The following USP20 variants were observed in gnomAD, a reference collection of about 807,000 sequenced individuals.
The protein encoded by USP20 is ubiquitin carboxyl-terminal hydrolase 20.
In USP20, 80 loss-of-function variants were observed where a neutral mutation model predicts 124.2. The observed-to-expected ratio is 0.64, with a 90% CI of 0.54 to 0.78. The LOEUF is 0.78. Among genes scored for constraint, USP20 ranks in the 30% least tolerant of loss-of-function variants. USP20 has a pLI of 0.00. For synonymous variants in USP20, 481 were observed against 512.3 expected, an observed-to-expected ratio of 0.94 and a Z score of 0.83; for missense variants, 1,043 against 1,244.4, an observed-to-expected ratio of 0.84 and a Z score of 2.44.
At chr9:129,842,597 T>G (rs1238488932) in intron 1 of USP20, among the ~76,000 whole-genome samples, 1 of 145,310 alleles carries the variant, frequency 6.9e-6, no homozygotes, top group Non-Finnish European at 1.5e-5. Flanking sequence ...GTGTGGAAGT[T>G]TTTTTTTTTT....
rs2032083894 is a variant in USP20, at chr9:129,839,700, A to C, written c.-129+4201A>C. Among the ~76,000 whole-genome samples, 2 of 151,840 alleles carry C rather than the reference A, an allele frequency of 1.3e-5. No individual in the cohort carries two copies. Among genetic ancestry groups the C allele is most frequent in the African/African-American group, 4.8e-5 (2 of 41,316 alleles). The stretch of plus-strand genomic sequence containing the variant: ...CTGTGGGCATCGTTGTGTGGGTGGG[A>C]GGCCCAGAAGTGTCGCCCTCCCCAT... On this transcript the variant is annotated intron_variant, in intron 1 of 25. Coordinates refer to ENST00000372429, the MANE Select transcript of USP20 (RefSeq NM_001110303.4). This position sits in a 1 kb window ranked among gnomAD's most constrained non-coding sequence, Gnocchi z 4.5.
chr9:129,853,790 G>A (rs914737459), intron 3 of USP20, among the ~76,000 whole-genome samples: 40 of 152,296 alleles, frequency 2.6e-4, no homozygotes, highest in Non-Finnish European at 4.9e-4. Context: ...AGCAGGGGGG[G>A]GATGAAGCAG....
At chr9:129,877,496 C>T (rs186062755) in intron 22 of USP20, among the ~76,000 whole-genome samples, 5,202 of 152,214 alleles carry the variant, frequency 0.034, 291 homozygotes, top group African/African-American at 0.12. Flanking sequence ...GCACCGCAGC[C>T]TGGGCAATAG....
intron 1 of USP20, among the ~76,000 whole-genome samples, chr9:129,842,149 G>A (rs2032251329): frequency 6.6e-6 from 1 of 152,086 alleles, no homozygotes; most frequent in Non-Finnish European, 1.5e-5. Flanking sequence ...GTAACCCTAG[G>A]TGCTGTCATT....
intron 17 of USP20, 71 bp from the exon 18 acceptor site, chr9:129,874,505 G>A: frequency 1.3e-6 from 2 of 1,580,806 alleles, no homozygotes; most frequent in South Asian, 1.2e-5. Flanking sequence ...GCTGTCCTGG[G>A]CCCGTGGGCA....
intron 22 of USP20, 53 bp downstream of exon 22, chr9:129,876,291 A>G (rs2034406492): frequency 6.7e-6 from 10 of 1,494,020 alleles, no homozygotes; most frequent in Non-Finnish European, 9.2e-6. Context: ...TGCCTGGGGC[A>G]GCTGGGGACT....
chr9:129,837,929 G>C (rs2031959675), intron 1 of USP20, among the ~76,000 whole-genome samples: 1 of 152,084 alleles, frequency 6.6e-6, no homozygotes, highest in South Asian at 2.1e-4. Flanking sequence ...ATTTAACAGT[G>C]ATGAAAGAGC....
chr9:129,871,266 G>A (rs572687795), intron 15 of USP20, among the ~76,000 whole-genome samples: 1 of 152,182 alleles, frequency 6.6e-6, no homozygotes, highest in African/African-American at 2.4e-5. Flanking sequence ...GAATTATACA[G>A]TACTTGCCAT....
At chr9:129,866,475 C>T (rs767879923) in intron 10 of USP20, among the ~76,000 whole-genome samples, 5 of 152,220 alleles carry the variant, frequency 3.3e-5, no homozygotes, top group Admixed American at 6.5e-5. Context: ...TACCCCTCAC[C>T]CAGGTCACAC....
chr9:129,857,978 G>A (rs2033301775), intron 4 of USP20, 72 bp from the exon 5 acceptor site: 1 of 1,416,870 alleles, frequency 7.1e-7, no homozygotes, highest in Non-Finnish European at 9.9e-7. Context: ...ACTTTGGGAT[G>A]GAACCAGAGA....
At chr9:129,846,228 CATAT>C (rs1159489842) in intron 1 of USP20, among the ~76,000 whole-genome samples, 1,184 of 59,338 alleles carry the variant, frequency 0.02, 62 homozygotes, top group Middle Eastern at 0.033. Context: ...TGCGCCCAGC[CATAT>C]ATATATATAT....
chr9:129,858,197 A>C, intron 5 of USP20, 85 bp downstream of exon 5: 2 of 1,426,924 alleles, frequency 1.4e-6, no homozygotes, highest in East Asian at 4.6e-5. Flanking sequence ...CTCTGGGCCT[A>C]AATGGCTGGG....
At position 129,875,413 on chromosome 9, in the gene USP20, A is replaced by C. The variant is rs2034344462; in HGVS notation, c.2152A>C (p.Asn718His). The change falls in exon 20 of 26, where the codon AAC becomes CAC. Residue 718 changes from asparagine to histidine, a missense_variant. Physicochemically the swap from Asn to His is moderately conservative, Grantham distance 68. Transcript: ENST00000372429. ...LRFYVSREWL[N>H]KFNTFAEPGP... is the part of the protein sequence containing the mutation. Reference sequence around the variant, plus strand: ...GTTCTACGTGTCCCGCGAGTGGCTCAACAAGTTCAACACCTTCGCGGAGCC... The same window carrying C: ...GTTCTACGTGTCCCGCGAGTGGCTCCACAAGTTCAACACCTTCGCGGAGCC... 1 of 1,613,744 alleles carries C rather than the reference A, an allele frequency of 6.2e-7. No homozygotes were observed.
intron 3 of USP20, among the ~76,000 whole-genome samples, chr9:129,853,394 C>T (rs976268625): frequency 2.6e-5 from 4 of 152,212 alleles, no homozygotes; most frequent in African/African-American, 4.8e-5. Context: ...CATCATGTGG[C>T]CACAGTGACT....
rs201050081 is a variant in USP20 at position 129,869,883 on chromosome 9, G to C, written c.1565+39G>C. The C allele has an allele frequency of 1.8e-4, 288 of 1,605,402 alleles. 1 individual carries two copies. Among genetic ancestry groups the C allele is most frequent in the Non-Finnish European group, 2.3e-4 (270 of 1,175,280 alleles). On this transcript the variant is annotated intron_variant, in intron 14 of 25. Transcript: ENST00000372429. ...GCCACTACTGGGCGACATGGGCTGG[G>C]CCTGTCCTGGTTTTCCTGGGCGGGA...
Position 129,875,472 on chromosome 9 carries a change from C to A in USP20, c.2211C>A (p.Ser737=), listed in dbSNP as rs781423467. Residue 737 remains serine (S), a synonymous_variant, in exon 20 of 26, where the codon TCC becomes TCA. Coordinates refer to ENST00000372429, the MANE Select transcript of USP20 (RefSeq NM_001110303.4). ...TCACCAACCAGACCTTCCTCTGCTC[C>A]CACGGAGGTGAGGCGCCCCCTGTGG... is the stretch of plus-strand genomic sequence containing the variant. The part of the protein sequence containing the change: ...GPITNQTFLC[S]HGGIPPHKYH... 3.7e-5 allele frequency: 59 copies of A among 1,612,896 alleles called. No homozygotes were observed. Among genetic ancestry groups the A allele is most frequent in the Non-Finnish European group, 4.8e-5 (57 of 1,179,482 alleles).
chr9:129,871,442 G>T (rs978853242), intron 15 of USP20, among the ~76,000 whole-genome samples: 1 of 152,176 alleles, frequency 6.6e-6, no homozygotes, highest in Admixed American at 6.5e-5. Context: ...GGACACTCAG[G>T]CCGCTTCCCT....
intron 1 of USP20, among the ~76,000 whole-genome samples, chr9:129,838,564 T>C (rs2032007244): frequency 6.6e-6 from 1 of 152,036 alleles, no homozygotes; most frequent in South Asian, 2.1e-4. Flanking sequence ...CAGAGCAGAG[T>C]TGTGCCTTAA....
intron 4 of USP20, among the ~76,000 whole-genome samples, chr9:129,857,449 A>G (rs190914691): frequency 1.3e-5 from 2 of 152,316 alleles, no homozygotes; most frequent in East Asian, 1.9e-4. Flanking sequence ...GGCATTGGCT[A>G]CTGGCTGGCG....
Sources: gnomAD v4.1 joint callset for allele counts (sites outside exome capture counted in the v4.1 genomes callset) on GRCh38, gnomAD v4.1.1 for gene constraint, Gnocchi (gnomAD v3.1) non-coding constraint, MANE v1.5 for transcripts, NCBI Gene and HGNC (gene_info 2026-07-23, HGNC 2026-07-21) for gene names.